Variants in BTBD2 observed in about 807,000 individuals in gnomAD.
The protein encoded by BTBD2 is BTB domain containing 2.
A neutral mutation model predicts 44.0 loss-of-function variants in BTBD2; 15 were observed. That is an observed-to-expected ratio of 0.34 (90% CI 0.23 to 0.53). The LOEUF (loss-of-function observed/expected upper bound fraction) is 0.53. Ranked by LOEUF, BTBD2 falls within the 20% of genes least tolerant of loss-of-function variation. The probability of loss-of-function intolerance (pLI) is 0.95; values close to 1 mark genes in which losing one functional copy is unlikely to be tolerated. For missense variants in BTBD2, 657 were observed against 746.4 expected (o/e 0.88, Z 1.39); for synonymous variants, 443 against 335.9 (o/e 1.32, Z -3.49).
intron 1 of BTBD2, among the ~76,000 whole-genome samples, chr19:2,001,829 C>T (rs1212991858): frequency 6.6e-6 from 1 of 152,164 alleles, no homozygotes; most frequent in Non-Finnish European, 1.5e-5. Flanking sequence ...CCTCCGCCTC[C>T]CGAGTTCCAG....
At chr19:1,997,078 G>A (rs759640253) in intron 2 of BTBD2, among the ~76,000 whole-genome samples, 2 of 151,474 alleles carry the variant, frequency 1.3e-5, no homozygotes, top group Non-Finnish European at 2.9e-5. Flanking sequence ...TACTTAGGAG[G>A]TTGAGGCAGG....
At chr19:1,999,259 C>A (rs915601964) in intron 1 of BTBD2, among the ~76,000 whole-genome samples, 4 of 152,218 alleles carry the variant, frequency 2.6e-5, no homozygotes, top group African/African-American at 7.2e-5. Flanking sequence ...CTTCCACATC[C>A]GCCCCGAACC....
chr19:2,015,491 G>T lies in BTBD2; in HGVS notation c.213C>A (p.Ala71=). ...CCTCCTCCGCCCGCTCCGCGCCCGC[G>T]GCCTGCGCGTCTGTCCCGGGGCCCG... The part of the protein sequence containing the change: ...APPGPGTDAQ[A]AGAERAEEAA... Residue 71 remains alanine, a synonymous_variant, in exon 1 of 9, where the codon GCC becomes GCA. Coordinates refer to ENST00000255608, the MANE Select transcript of BTBD2 (RefSeq NM_017797.4). The T allele has an allele frequency of 1.7e-6, 2 of 1,172,746 alleles. No individual in the cohort carries two copies. The highest frequency in any genetic ancestry group is 2.1e-6 in the Non-Finnish European group (2 of 953,794). The allele number at this position is 1,172,746 out of a possible 1,614,324, so 72.6% of individuals were successfully genotyped here. A position where few individuals can be genotyped will look rare whatever the true frequency, so the allele number is the denominator to read the frequency against.
Position 1,986,392 on chromosome 19 carries a change from G to A in BTBD2, c.*96C>T. On this transcript the variant is annotated 3_prime_UTR_variant, in exon 9 of 9. Coordinates refer to ENST00000255608, the MANE Select transcript of BTBD2 (RefSeq NM_017797.4). ...GGACAGACGGCCTGGGGGACACTGG[G>A]CCTGGCACCGCGTGGTGGGGGGGCC... The A allele has an allele frequency of 4.8e-6, 7 of 1,472,990 alleles. No homozygotes were observed. Among genetic ancestry groups the A allele is most frequent in the Non-Finnish European group, 6.6e-6 (7 of 1,067,736 alleles). 91.2% of individuals were successfully genotyped at this position (1,472,990 alleles called of 1,614,324 possible). A position where few individuals can be genotyped will look rare whatever the true frequency, so the allele number is the denominator to read the frequency against.
At position 2,015,398 on chromosome 19, in the gene BTBD2, G is replaced by C. The variant is rs768240416; in HGVS notation, c.306C>G (p.Thr102=). 3.3e-5 allele frequency: 52 copies of C among 1,559,434 alleles called. No homozygotes were observed. The highest frequency in any genetic ancestry group is 4.2e-5 in the Non-Finnish European group (49 of 1,161,062). Residue 102 remains threonine, a synonymous_variant, in exon 1 of 9, where the codon ACC becomes ACG. Coordinates refer to ENST00000255608, the MANE Select transcript of BTBD2 (RefSeq NM_017797.4). ...AAYNWQASKP[T]VQERFAFLFN... ...AGAGGAAGGCGAAGCGCTCCTGCAC[G>C]GTGGGCTTGCTGGCCTGCCAGTTGT...
In BTBD2 at chr19:2,015,563, G is replaced by A. The variant is rs2016524866; in HGVS notation, c.141C>T (p.Ala47=). Residue 47 remains alanine (A), a synonymous_variant, in exon 1 of 9, where the codon GCC becomes GCT. Coordinates refer to ENST00000255608, the MANE Select transcript of BTBD2 (RefSeq NM_017797.4). ...CAGGGGCGGCGGCGGCGGCGGCGGC[G>A]GCGGCGGCGGCGGCGGCCGCGTTGC... ...APGNAAAAAA[A]AAAAAAAPGP... is the part of the protein sequence containing the mutation. The A allele has an allele frequency of 1.2e-5, 12 of 961,674 alleles. No individual in the cohort carries two copies. The highest frequency in any genetic ancestry group is 1.5e-5 in the Non-Finnish European group (12 of 816,306). The allele number at this position is 961,674 out of a possible 1,614,324, so 59.6% of individuals were successfully genotyped here.
At chr19:1,994,039 C>A (rs1467423042) in intron 2 of BTBD2, among the ~76,000 whole-genome samples, 3 of 121,914 alleles carry the variant, frequency 2.5e-5, no homozygotes, top group Admixed American at 8.6e-5. Context: ...CAGCACAGGC[C>A]GGCCTGGTGG....
intron 5 of BTBD2, 22 bp downstream of exon 5, chr19:1,989,982 C>A (rs1173436923): frequency 1.2e-6 from 2 of 1,611,990 alleles, no homozygotes; most frequent in South Asian, 1.1e-5. Context: ...CCAAACCAGC[C>A]CCTGAGCCCG....
chr19:1,995,727 C>T (rs2016242623), intron 2 of BTBD2, among the ~76,000 whole-genome samples: 1 of 151,438 alleles, frequency 6.6e-6, no homozygotes, highest in Non-Finnish European at 1.5e-5. Context: ...ACCTCCATCT[C>T]CCGGGTTCAC....
At chr19:1,990,926 C>T (rs1388965953) in intron 3 of BTBD2, 104 bp from the exon 4 acceptor site, 6 of 1,073,004 alleles carry the variant, frequency 5.6e-6, no homozygotes, top group Non-Finnish European at 8.1e-6. Flanking sequence ...ACCACACGGG[C>T]CTTCCTGAGC....
chr19:1,996,545 CAAAAAAAA>C (rs111933486), intron 2 of BTBD2, among the ~76,000 whole-genome samples: 5 of 99,324 alleles, frequency 5.0e-5, no homozygotes, highest in East Asian at 2.6e-4. Flanking sequence ...GCAAAACTGT[CAAAAAAAA>C]AAAAAAAAAG....
chr19:2,005,381 T>C (rs1242884202), intron 1 of BTBD2, among the ~76,000 whole-genome samples: 1 of 152,146 alleles, frequency 6.6e-6, no homozygotes, highest in African/African-American at 2.4e-5. Flanking sequence ...AGTGCTATGA[T>C]CACAGCTCAC....
Position 1,986,597 on chromosome 19 carries a change from G to A in BTBD2, c.1469C>T (p.Ser490Leu), listed in dbSNP as rs574401563. 6.2e-6 allele frequency: 10 copies of A among 1,613,864 alleles called. No homozygotes were observed. The highest frequency in any genetic ancestry group is 5.9e-6 in the Non-Finnish European group (7 of 1,179,934). Residue 490 changes from serine to leucine, a missense_variant, in exon 9 of 9, where the codon TCG becomes TTG. Ser to Leu is a moderately radical substitution (Grantham distance 145). Transcript: ENST00000255608. ...TKGLRKVTHESPTTGAKTCFT... is the reference protein window; with the variant it reads ...TKGLRKVTHELPTTGAKTCFT... ...GCAGGTCTTGGCGCCCGTGGTGGGCGACTCGTGTGTCACCTTGCGCAGGCC... is the reference window on the plus strand; with the variant it reads ...GCAGGTCTTGGCGCCCGTGGTGGGCAACTCGTGTGTCACCTTGCGCAGGCC...
chr19:2,008,402 C>T (rs555518489), intron 1 of BTBD2, among the ~76,000 whole-genome samples: 1 of 151,598 alleles, frequency 6.6e-6, no homozygotes, highest in Admixed American at 6.6e-5. Context: ...CAGGTTTAAG[C>T]GGTTCTCCTG....
chr19:1,989,645 G>A (rs2016144226), intron 5 of BTBD2: 1 of 320,294 alleles, frequency 3.1e-6, no homozygotes, highest in Non-Finnish European at 6.0e-6. Context: ...GCGCATGACA[G>A]CCACCCCGGC....
At chr19:1,991,199 C>T (rs1243652231) in intron 3 of BTBD2, 7 of 197,258 alleles carry the variant, frequency 3.5e-5, no homozygotes, top group South Asian at 1.5e-4. Flanking sequence ...CGGGGCCGAC[C>T]GGTGAAGCTT....
In BTBD2 at chr19:1,986,656, GGAATAGGGGTACAGT is replaced by G. The variant is rs1568213192; in HGVS notation, c.1417-22_1417-8del. The G allele has an allele frequency of 6.2e-7, 1 of 1,613,260 alleles. No individual in the cohort carries two copies. The highest frequency in any genetic ancestry group is 8.5e-7 in the Non-Finnish European group (1 of 1,179,488). On this transcript the variant is annotated splice_polypyrimidine_tract_variant and splice_region_variant and intron_variant, in intron 8 of 8. Coordinates refer to ENST00000255608, the MANE Select transcript of BTBD2 (RefSeq NM_017797.4). Reference sequence around the variant, plus strand: ...CGTAGTGGGAGTCTGGGCCCTGTAGGGAATAGGGGTACAGTGAGGTCAAGGACCACCAGGCTGGGA... The same window carrying G: ...CGTAGTGGGAGTCTGGGCCCTGTAGGGAGGTCAAGGACCACCAGGCTGGGA...
intron 1 of BTBD2, among the ~76,000 whole-genome samples, chr19:2,004,648 T>C (rs1028857058): frequency 6.8e-6 from 1 of 148,014 alleles, no homozygotes; most frequent in African/African-American, 2.5e-5. Flanking sequence ...ATATTCAGGG[T>C]TCACATAACA....
intron 3 of BTBD2, chr19:1,991,129 A>T (rs2145623231): frequency 3.4e-6 from 1 of 290,146 alleles, no homozygotes; most frequent in Admixed American, 4.9e-5. Context: ...GGGGCGTTGC[A>T]GCTGCACTCG....
Sources: allele counts gnomAD v4.1 joint callset (sites outside exome capture counted in the v4.1 genomes callset), GRCh38; gene constraint gnomAD v4.1.1; transcripts MANE v1.5; gene names NCBI Gene and HGNC (gene_info 2026-07-23, HGNC 2026-07-21).